ECE1: variants seen among roughly 807,000 people sequenced by gnomAD.
ECE1 encodes the protein endothelin converting enzyme 1, also known as endothelin-converting enzyme 1.
In ECE1, 35 loss-of-function variants were observed where a neutral mutation model predicts 98.6. The observed-to-expected ratio is 0.35, with a 90% confidence interval of 0.27 to 0.47. The LOEUF (loss-of-function observed/expected upper bound fraction) is 0.47. Ranked by LOEUF, ECE1 falls within the 20% of genes least tolerant of loss-of-function variation. The pLI, the probability that ECE1 is intolerant of heterozygous loss-of-function variation, is 1.00. For missense variants in ECE1, 814 were observed against 1,025.3 expected, an observed-to-expected ratio of 0.79 and a Z score of 2.81; for synonymous variants, 394 against 407.1, an observed-to-expected ratio of 0.97 and a Z score of 0.39.
intron 5 of ECE1, among the ~76,000 whole-genome samples, chr1:21,259,210 C>T (rs1170614834): frequency 1.3e-5 from 2 of 152,132 alleles, no homozygotes; most frequent in Non-Finnish European, 2.9e-5. Flanking sequence ...ATAAAAAAGG[C>T]TCCACATGTT....
Position 21,258,636 on chromosome 1 carries a change from A to G in ECE1, c.762+57T>C, listed in dbSNP as rs2098222969. 3 of 1,596,084 alleles carry G rather than the reference A, an allele frequency of 1.9e-6. No individual in the cohort carries two copies. Among genetic ancestry groups the G allele is most frequent in the South Asian group, 2.2e-5 (2 of 90,692 alleles). ...TCCCACCCCAGGTCCTGCTAAACTC[A>G]AAACAGGAAGAGGTCGTGCCCGCCC... On this transcript the variant is annotated intron_variant, in intron 6 of 18. Coordinates refer to ENST00000374893, the MANE Select transcript of ECE1 (RefSeq NM_001397.3). The surrounding 1 kb of genome is among the most constrained non-coding windows in gnomAD (Gnocchi z 4.2).
chr1:21,255,909 G>C (rs1558390847), intron 8 of ECE1, 38 bp downstream of exon 8: 3 of 1,609,782 alleles, frequency 1.9e-6, no homozygotes, highest in East Asian at 2.2e-5. Flanking sequence ...AAACCTGGAG[G>C]CCATCCCAGC....
chr1:21,331,393 ACT>A (rs1184297097), intron 1 of ECE1, among the ~76,000 whole-genome samples: 4 of 151,688 alleles, frequency 2.6e-5, no homozygotes, highest in Non-Finnish European at 4.4e-5. Flanking sequence ...ACAGAGTGAG[ACT>A]CTGTCTCAAA....
chr1:21,228,002 C>T lies in ECE1; in HGVS notation c.1710G>A (p.Ser570=), dbSNP rs149021429. ...GAAACACAATCTCATTCTTGGTGGG[C>T]GAGTAGTAGGCGTTCACCATGGGCG... ...MTPPMVNAYY[S]PTKNEIVFPA... Residue 570 remains serine, a synonymous_variant, in exon 15 of 19, where the codon TCG becomes TCA. Transcript: ENST00000374893. The T allele has an allele frequency of 6.3e-4, 981 of 1,565,018 alleles. 3 individuals carry two copies. In the African/African-American group the frequency reaches 0.012, roughly 18 times the overall value.
intron 1 of ECE1, among the ~76,000 whole-genome samples, chr1:21,297,379 T>C (rs1459693429): frequency 1.3e-5 from 2 of 152,072 alleles, no homozygotes; most frequent in African/African-American, 4.8e-5. Flanking sequence ...CCTCCATCAA[T>C]CATCTCTGGT....
intron 1 of ECE1, among the ~76,000 whole-genome samples, chr1:21,341,047 C>T (rs913398263): frequency 1.4e-4 from 22 of 152,116 alleles, no homozygotes; most frequent in Admixed American, 1.4e-3. Flanking sequence ...CCCCGCCCCC[C>T]AACACTCTTC....
At position 21,327,530 on chromosome 1, in the gene ECE1, A is replaced by T. The variant is rs1486827113; in HGVS notation, c.3+17846T>A. Among the ~76,000 whole-genome samples the T allele has an allele frequency of 1.3e-5, 2 of 152,120 alleles. No homozygotes were observed. The highest frequency in any genetic ancestry group is 4.8e-5 in the African/African-American group (2 of 41,408). On this transcript the variant is annotated intron_variant, in intron 1 of 18. Transcript: ENST00000415912. This position sits in a 1 kb window ranked among gnomAD's most constrained non-coding sequence, Gnocchi z 4.6. ...GTTGGATCATCTTAGCTCCCTGCTG[A>T]CACCCCTTCGAGAACCGGGAGACCT...
chr1:21,221,689 T>A, intron 18 of ECE1, 58 bp downstream of exon 18: 1 of 1,581,694 alleles, frequency 6.3e-7, no homozygotes. Context: ...CTCTGGGCTC[T>A]TGAAACATCA....
upstream of ECE1, chr1:21,294,405 G>A (rs1252148377): frequency 1.3e-5 from 2 of 152,434 alleles, no homozygotes; most frequent in Non-Finnish European, 2.9e-5. The surrounding 1 kb of genome is among the most constrained non-coding windows in gnomAD (Gnocchi z 4.2). Context: ...AGCCGTGGAG[G>A]AGAAATCTGG....
chr1:21,295,140 C>G (rs1171099973), upstream of ECE1, among the ~76,000 whole-genome samples: 1 of 152,258 alleles, frequency 6.6e-6, no homozygotes, highest in Non-Finnish European at 1.5e-5. Context: ...CAGTACTCAT[C>G]TGTCAAATGA....
chr1:21,289,317 C>T (rs972623213), intron 2 of ECE1, among the ~76,000 whole-genome samples: 5 of 152,154 alleles, frequency 3.3e-5, no homozygotes, highest in Admixed American at 6.5e-5. Context: ...GGCTCCAAAC[C>T]CCTCCAGCAC....
chr1:21,314,460 CT>C (rs1372399302), intron 1 of ECE1, among the ~76,000 whole-genome samples: 2 of 152,230 alleles, frequency 1.3e-5, no homozygotes, highest in African/African-American at 4.8e-5. Flanking sequence ...TTAGGAACAA[CT>C]TTTCTTTTCT....
chr1:21,255,865 G>A, intron 8 of ECE1, 82 bp downstream of exon 8: 1 of 1,407,756 alleles, frequency 7.1e-7, no homozygotes, highest in East Asian at 2.3e-5. Flanking sequence ...TAGATGAAAT[G>A]AGTATAAAAG....
intron 14 of ECE1, among the ~76,000 whole-genome samples, chr1:21,231,611 G>C (rs2098181817): frequency 6.6e-6 from 1 of 152,032 alleles, no homozygotes; most frequent in African/African-American, 2.4e-5. Flanking sequence ...CAAAGTACTG[G>C]GATTACCGGT....
At position 21,322,828 on chromosome 1, in the gene ECE1, G is replaced by A. The variant is rs541665141; in HGVS notation, c.3+22548C>T. Among the ~76,000 whole-genome samples the A allele has an allele frequency of 2.6e-5, 4 of 152,312 alleles. No homozygotes were observed. Among genetic ancestry groups the A allele is most frequent in the African/African-American group, 7.2e-5 (3 of 41,576 alleles). The stretch of plus-strand genomic sequence containing the variant: ...GGGAAGGGAAGTGGGCATGGCCCCC[G>A]GAAGAGGACGCACATGGATCCGCCC... On this transcript the variant is annotated intron_variant, in intron 1 of 18. Transcript: ENST00000415912. The surrounding 1 kb of genome is among the most constrained non-coding windows in gnomAD (Gnocchi z 4.1).
Position 21,307,872 on chromosome 1 carries a change from C to T in ECE1, c.4-17716G>A, listed in dbSNP as rs77376351. ...CCCTGCCCCCTTGAGAGGTTGGCCC[C>T]GCCTTGAGCATCCTTGTCAGGCAGA... On this transcript the variant is annotated intron_variant, in intron 1 of 18. Transcript: ENST00000415912. This position sits in a 1 kb window ranked among gnomAD's most constrained non-coding sequence, Gnocchi z 4.2. 0.061 allele frequency among the ~76,000 whole-genome samples: 9,157 copies of T among 151,132 alleles called. 961 individuals carry two copies. The highest frequency in any genetic ancestry group is 0.21 in the African/African-American group (8,638 of 41,412).
chr1:21,252,298 C>G (rs1033634550), intron 8 of ECE1, among the ~76,000 whole-genome samples: 3 of 152,304 alleles, frequency 2.0e-5, no homozygotes, highest in South Asian at 4.1e-4. Flanking sequence ...TAGTGAACTC[C>G]TATCTTAAAC....
chr1:21,242,938 G>A (rs1470934409), intron 10 of ECE1, among the ~76,000 whole-genome samples: 5 of 152,168 alleles, frequency 3.3e-5, no homozygotes, highest in African/African-American at 9.7e-5. Flanking sequence ...GCACCACTGC[G>A]CCTGGCTCAG....
intron 1 of ECE1, among the ~76,000 whole-genome samples, chr1:21,344,441 C>T (rs112027397): frequency 0.012 from 1,871 of 152,270 alleles, 40 homozygotes; most frequent in African/African-American, 0.042. Context: ...CCGAGTGGCT[C>T]GTCTATAGGG....
Sources: gnomAD v4.1 joint callset for allele counts (sites outside exome capture counted in the v4.1 genomes callset) on GRCh38, gnomAD v4.1.1 for gene constraint, Gnocchi (gnomAD v3.1) non-coding constraint, MANE v1.5 for transcripts, NCBI Gene and HGNC (gene_info 2026-07-23, HGNC 2026-07-21) for gene names.